AFF3: variants seen among roughly 807,000 people sequenced by gnomAD.
AFF3 encodes ALF transcription elongation factor 3.
A neutral mutation model predicts 129.7 loss-of-function variants in AFF3; 32 were observed. The ratio of observed to expected loss-of-function variants is 0.25; its 90% CI spans 0.19 to 0.33. The LOEUF is 0.33. AFF3 is among the 10% of genes least tolerant of loss of function. AFF3 has a pLI of 1.00. For synonymous variants in AFF3, 644 were observed against 635.4 expected (o/e 1.01, Z -0.20); for missense variants, 1,373 against 1,592.0 (o/e 0.86, Z 2.34).
At chr2:99,681,795 G>A (rs1288516688) in intron 11 of AFF3, among the ~76,000 whole-genome samples, 1 of 150,528 alleles carries the variant, frequency 6.6e-6, no homozygotes, top group African/African-American at 2.5e-5. Context: ...AATTTATTTT[G>A]TTACTTTAGC....
At chr2:99,726,211 A>T (rs2104991458) in intron 11 of AFF3, among the ~76,000 whole-genome samples, 1 of 152,372 alleles carries the variant, frequency 6.6e-6, no homozygotes, top group African/African-American at 2.4e-5. Flanking sequence ...GGATCTTTCT[A>T]GACAAAGAAA....
chr2:99,896,114 T>C (rs897654786), intron 7 of AFF3, among the ~76,000 whole-genome samples: 2 of 150,058 alleles, frequency 1.3e-5, no homozygotes, highest in African/African-American at 4.9e-5. Flanking sequence ...TTTTCTTTTT[T>C]CCCCTAAATT....
chr2:100,096,426 AAAAT>A (rs2105445913), intron 4 of AFF3, among the ~76,000 whole-genome samples: 1 of 152,084 alleles, frequency 6.6e-6, no homozygotes, highest in East Asian at 1.9e-4. Context: ...TCACAAAAAT[AAAAT>A]AAATACTGCA....
intron 4 of AFF3, among the ~76,000 whole-genome samples, chr2:100,072,558 A>G (rs944175170): frequency 2.6e-5 from 4 of 152,166 alleles, no homozygotes; most frequent in African/African-American, 9.7e-5. Flanking sequence ...TGGCCGGGCT[A>G]TACCATGAGC....
Position 99,861,503 on chromosome 2 carries a change from A to C in AFF3, c.874-23979T>G, listed in dbSNP as rs1042787682. 5.3e-5 allele frequency among the ~76,000 whole-genome samples: 8 copies of C among 152,198 alleles called. 1 individual carries two copies. The highest frequency in any genetic ancestry group is 1.9e-4 in the African/African-American group (8 of 41,444). The stretch of plus-strand genomic sequence containing the variant: ...GTTATACACTTAAAATAAATGGTTA[A>C]ATAATGTCTCATGCACTAGAAGAGG... On this transcript the variant is annotated intron_variant, in intron 7 of 24. Coordinates refer to ENST00000672756, the MANE Select transcript of AFF3 (RefSeq NM_001386135.1).
intron 4 of AFF3, among the ~76,000 whole-genome samples, chr2:100,061,838 G>C (rs971857061): frequency 2.1e-5 from 3 of 143,866 alleles, no homozygotes; most frequent in African/African-American, 7.9e-5. Flanking sequence ...CATCACCAAA[G>C]AGATGGGTAG....
At chr2:99,835,472 A>C (rs1340028148) in intron 8 of AFF3, among the ~76,000 whole-genome samples, 1 of 152,116 alleles carries the variant, frequency 6.6e-6, no homozygotes, top group Non-Finnish European at 1.5e-5. Context: ...TTGGAGAATG[A>C]CTAATGTCAG....
At chr2:99,953,747 G>T (rs2104214693) in intron 7 of AFF3, among the ~76,000 whole-genome samples, 1 of 152,328 alleles carries the variant, frequency 6.6e-6, no homozygotes, top group East Asian at 1.9e-4. Context: ...AATGAGAGGT[G>T]AAGTGAGGAA....
chr2:99,689,656 CAAAAAAAA>C (rs60965683), intron 11 of AFF3, among the ~76,000 whole-genome samples: 2 of 57,286 alleles, frequency 3.5e-5, no homozygotes, highest in Non-Finnish European at 6.0e-5. Context: ...TATTTAATTG[CAAAAAAAA>C]AAAAAAAAAA....
At chr2:99,890,909 G>A (rs1033012870) in intron 7 of AFF3, among the ~76,000 whole-genome samples, 6 of 152,118 alleles carry the variant, frequency 3.9e-5, no homozygotes, top group Admixed American at 2.0e-4. Flanking sequence ...AGGGGTGGGA[G>A]GTATTTTGAA....
chr2:99,925,756 T>C (rs934841215), intron 7 of AFF3, among the ~76,000 whole-genome samples: 2 of 152,162 alleles, frequency 1.3e-5, no homozygotes, highest in African/African-American at 4.8e-5. Flanking sequence ...GGATGCTGCA[T>C]ACAAGAACAT....
chr2:99,613,733 A>C (rs1242417067), intron 13 of AFF3, among the ~76,000 whole-genome samples: 1 of 152,136 alleles, frequency 6.6e-6, no homozygotes, highest in East Asian at 1.9e-4. Flanking sequence ...TGCTTGTTTC[A>C]GCTATGTTTA....
At chr2:99,951,011 G>C (rs1447952478) in intron 7 of AFF3, among the ~76,000 whole-genome samples, 1 of 152,186 alleles carries the variant, frequency 6.6e-6, no homozygotes, top group African/African-American at 2.4e-5. Flanking sequence ...ACTGAAAATA[G>C]AGGTCATAGT....
intron 11 of AFF3, among the ~76,000 whole-genome samples, chr2:99,685,908 C>T (rs893734333): frequency 3.3e-5 from 5 of 152,082 alleles, no homozygotes; most frequent in African/African-American, 9.7e-5. Context: ...GGATCCAGGC[C>T]GGGCATGGTG....
At chr2:100,088,891 G>C (rs562791748) in intron 4 of AFF3, among the ~76,000 whole-genome samples, 1 of 152,358 alleles carries the variant, frequency 6.6e-6, no homozygotes, top group South Asian at 2.1e-4. Context: ...GGTGGGGACT[G>C]TTTCCTTCTT....
chr2:99,744,577 A>C (rs1301553448), intron 9 of AFF3, among the ~76,000 whole-genome samples: 5 of 151,974 alleles, frequency 3.3e-5, no homozygotes, highest in African/African-American at 1.2e-4. Context: ...CACAACCACC[A>C]ATTTCCATCT....
At chr2:99,627,705 G>T (rs1434339532) in intron 13 of AFF3, among the ~76,000 whole-genome samples, 1 of 152,092 alleles carries the variant, frequency 6.6e-6, no homozygotes, top group Non-Finnish European at 1.5e-5. Context: ...TAGTTTTGGG[G>T]TTTTATACTT....
intron 10 of AFF3, among the ~76,000 whole-genome samples, chr2:99,742,030 A>G (rs1395553263): frequency 2.6e-5 from 4 of 152,162 alleles, no homozygotes; most frequent in African/African-American, 7.2e-5. Context: ...TTTTGTATAC[A>G]TGTGCTGGGG....
rs898721986 is a variant in AFF3 at position 99,843,414 on chromosome 2, T to C, written c.874-5890A>G. On this transcript the variant is annotated intron_variant, in intron 7 of 24. Transcript: ENST00000672756. ...CCTCCTGTCTCCACCATCATCTATA[T>C]ATGTAGATGAGGAAAATGCAAAGGA... is the stretch of plus-strand genomic sequence containing the variant. Among the ~76,000 whole-genome samples, 10 of 152,168 alleles carry C rather than the reference T, an allele frequency of 6.6e-5. No individual in the cohort carries two copies. In the East Asian group the frequency reaches 1.7e-3, roughly 26 times the overall value.
Sources: allele counts gnomAD v4.1 joint callset (sites outside exome capture counted in the v4.1 genomes callset), GRCh38; gene constraint gnomAD v4.1.1; transcripts MANE v1.5; gene names NCBI Gene and HGNC (gene_info 2026-07-23, HGNC 2026-07-21).